Variants in TUSC3 observed in about 807,000 individuals in gnomAD.
TUSC3 encodes the protein tumor suppressor candidate 3.
TUSC3 carries 45 observed loss-of-function variants against 44.8 expected under a neutral mutation model. The observed-to-expected ratio is 1.00, with a 90% confidence interval of 0.79 to 1.29. The LOEUF (loss-of-function observed/expected upper bound fraction) is 1.29. Ranked by LOEUF, TUSC3 falls within the 50% of genes most tolerant of loss-of-function variation. The probability of loss-of-function intolerance (pLI) is 0.00; values close to 1 mark genes in which losing one functional copy is unlikely to be tolerated. For synonymous variants in TUSC3, 212 were observed against 152.9 expected, an observed-to-expected ratio of 1.39 and a Z score of -2.85; for missense variants, 519 against 437.9, an observed-to-expected ratio of 1.19 and a Z score of -1.65.
At chr8:15,806,194 A>G in the TUSC3 span, 1 of 491,308 alleles carries the variant, frequency 2.0e-6, no homozygotes, top group African/African-American at 2.0e-5. Context: ...TCATTTTTAT[A>G]AAGATTCCGT....
chr8:15,605,505 T>A (rs1476757461), intron 1 of TUSC3, among the ~76,000 whole-genome samples: 11 of 152,008 alleles, frequency 7.2e-5, no homozygotes, highest in Admixed American at 7.2e-4. Flanking sequence ...TGCGTGGGTC[T>A]ATTTATACAT....
intron 1 of TUSC3, among the ~76,000 whole-genome samples, chr8:15,572,362 C>G (rs1802910301): frequency 6.6e-6 from 1 of 152,120 alleles, no homozygotes; most frequent in Non-Finnish European, 1.5e-5. Context: ...GCTTCCTTTC[C>G]TGTTTCAGCC....
intron 6 of TUSC3, among the ~76,000 whole-genome samples, chr8:15,698,087 T>A (rs1376374778): frequency 6.6e-6 from 1 of 152,182 alleles, no homozygotes; most frequent in Non-Finnish European, 1.5e-5. Context: ...TAACTTATAC[T>A]CTTTTATTTT....
chr8:15,486,968 C>T (rs1800740713), intron 2 of TUSC3, among the ~76,000 whole-genome samples: 1 of 152,118 alleles, frequency 6.6e-6, no homozygotes, highest in African/African-American at 2.4e-5. Flanking sequence ...TTGATTCAGC[C>T]AGTCATCTAA....
At chr8:15,436,832 G>C (rs532516411) in intron 1 of TUSC3, among the ~76,000 whole-genome samples, 21 of 152,276 alleles carry the variant, frequency 1.4e-4, no homozygotes, top group African/African-American at 4.6e-4. Context: ...ATAAGCCTGT[G>C]TATAGGAAGA....
At chr8:15,667,566 A>G (rs1405786537) in intron 5 of TUSC3, among the ~76,000 whole-genome samples, 1 of 151,726 alleles carries the variant, frequency 6.6e-6, no homozygotes, top group Non-Finnish European at 1.5e-5. Context: ...TGTGTATAGA[A>G]TATTACATAT....
chr8:15,780,144 CAT>C, the TUSC3 span, among the ~76,000 whole-genome samples: 4 of 152,166 alleles, frequency 2.6e-5, no homozygotes, highest in African/African-American at 7.2e-5. Flanking sequence ...ACCAAATAAA[CAT>C]ATGTTCATGA....
rs564692150 is a variant in TUSC3 at position 15,624,573 on chromosome 8, C to T, written c.308+1324C>T. Among the ~76,000 whole-genome samples the T allele has an allele frequency of 1.2e-4, 19 of 152,294 alleles. No individual in the cohort carries two copies. The South Asian group carries it at 3.7e-3, about 30-fold the overall frequency. On this transcript the variant is annotated intron_variant, in intron 2 of 10. Coordinates refer to ENST00000503731, the MANE Select transcript of TUSC3 (RefSeq NM_006765.4). ...CCCTATGACTAATTGTGTTGAACAT[C>T]TTTTCATGTGCTTATTCGTCATCTA...
intron 6 of TUSC3, among the ~76,000 whole-genome samples, chr8:15,695,007 T>TCACC (rs1809097550): frequency 6.6e-6 from 1 of 152,204 alleles, no homozygotes; most frequent in Non-Finnish European, 1.5e-5. Context: ...CCATTGCCGG[T>TCACC]GTCATAGCAG....
intron 1 of TUSC3, among the ~76,000 whole-genome samples, chr8:15,465,707 A>G (rs561348665): frequency 1.3e-5 from 2 of 152,358 alleles, no homozygotes; most frequent in Admixed American, 6.5e-5. Flanking sequence ...GATGCTTAAA[A>G]TAACCCATAG....
At position 15,487,780 on chromosome 8, in the gene TUSC3, G is replaced by A. The variant is rs112127350; in HGVS notation, n.189+4297G>A. 4.8e-3 allele frequency among the ~76,000 whole-genome samples: 734 copies of A among 152,192 alleles called. 3 individuals carry two copies. Among genetic ancestry groups the A allele is most frequent in the African/African-American group, 0.017 (686 of 41,522 alleles). ...TTTCTAAATTCTATCTCCCATGTTAGATGTTTCCAAGGATCACTTCATTTG... is the reference window on the plus strand; with the variant it reads ...TTTCTAAATTCTATCTCCCATGTTAAATGTTTCCAAGGATCACTTCATTTG... On this transcript the variant is annotated intron_variant and non_coding_transcript_variant, in intron 2 of 5. Coordinates refer to the TUSC3 transcript ENST00000503191.
chr8:15,807,165 T>C, the TUSC3 span: 1 of 819,936 alleles, frequency 1.2e-6, no homozygotes, highest in Non-Finnish European at 2.1e-6. Flanking sequence ...CACAGCCGTA[T>C]GTGCATCCTC....
chr8:15,665,308 G>A (rs1011866367), intron 5 of TUSC3, among the ~76,000 whole-genome samples: 7 of 151,426 alleles, frequency 4.6e-5, no homozygotes, highest in Admixed American at 4.6e-4. Context: ...GTCTGGTACA[G>A]AATCTCTGGC....
intron 2 of TUSC3, among the ~76,000 whole-genome samples, chr8:15,534,511 T>C (rs4300003): frequency 6.6e-6 from 1 of 151,732 alleles, no homozygotes; most frequent in Admixed American, 6.6e-5. Context: ...GGCTTGGTGG[T>C]GGGCTCCTGT....
intron 6 of TUSC3, among the ~76,000 whole-genome samples, chr8:15,706,016 A>G (rs1205521717): frequency 6.6e-6 from 1 of 151,946 alleles, no homozygotes; most frequent in Non-Finnish European, 1.5e-5. Flanking sequence ...CATATTATAC[A>G]TGGTTGGATC....
chr8:15,419,555 T>TTTA (rs1407960632), intron 1 of TUSC3, among the ~76,000 whole-genome samples: 2 of 152,166 alleles, frequency 1.3e-5, no homozygotes, highest in African/African-American at 4.8e-5. Flanking sequence ...AATTCCTCCT[T>TTTA]TTAAAAAGTT....
the TUSC3 span, among the ~76,000 whole-genome samples, chr8:15,833,149 C>T: frequency 6.6e-6 from 1 of 152,086 alleles, no homozygotes; most frequent in East Asian, 1.9e-4. Flanking sequence ...CAAATCAAAA[C>T]CACAATGAGA....
At chr8:15,803,874 T>A in the TUSC3 span, among the ~76,000 whole-genome samples, 1 of 152,230 alleles carries the variant, frequency 6.6e-6, no homozygotes, top group Non-Finnish European at 1.5e-5. Flanking sequence ...GCAAAGGACA[T>A]GAACTCATTC....
chr8:15,771,521 G>GTT (rs1162581990), downstream of TUSC3, among the ~76,000 whole-genome samples: 1 of 152,066 alleles, frequency 6.6e-6, no homozygotes, highest in South Asian at 2.1e-4. Context: ...TTGTAACTTT[G>GTT]TTTCATGTAA....
Sources: allele counts gnomAD v4.1 joint callset (sites outside exome capture counted in the v4.1 genomes callset), GRCh38; gene constraint gnomAD v4.1.1; transcripts MANE v1.5; gene names NCBI Gene and HGNC (gene_info 2026-07-23, HGNC 2026-07-21).